The following ELAVL2 variants were observed in gnomAD, a reference collection of about 807,000 sequenced individuals.
The protein encoded by ELAVL2 is ELAV like RNA binding protein 2, also known as ELAV-like protein 2.
ELAVL2 carries 4 observed loss-of-function variants against 34.6 expected under a neutral mutation model. That is an observed-to-expected ratio of 0.12 (90% CI 0.06 to 0.26). The LOEUF is 0.26. Ranked by LOEUF, ELAVL2 falls within the 10% of genes least tolerant of loss-of-function variation. ELAVL2 has a pLI of 1.00. For missense variants in ELAVL2, 432 were observed against 442.8 expected, an observed-to-expected ratio of 0.98 and a Z score of 0.22; for synonymous variants, 193 against 154.8, an observed-to-expected ratio of 1.25 and a Z score of -1.83.
intron 2 of ELAVL2, among the ~76,000 whole-genome samples, chr9:23,751,787 A>G (rs746439760): frequency 6.6e-6 from 1 of 152,146 alleles, no homozygotes; most frequent in African/African-American, 2.4e-5. Flanking sequence ...GCACCTTCAT[A>G]TTTTAAGTCA....
chr9:23,840,565 T>C, the ELAVL2 span, among the ~76,000 whole-genome samples: 33,614 of 152,086 alleles, frequency 0.22, 4,121 homozygotes, highest in Non-Finnish European at 0.26. Context: ...GCCAATTTTA[T>C]ACTTTGTGTT....
chr9:23,724,035 CT>C (rs1188611705), intron 3 of ELAVL2, among the ~76,000 whole-genome samples: 1 of 152,186 alleles, frequency 6.6e-6, no homozygotes, highest in Non-Finnish European at 1.5e-5. Context: ...ATTCTCCATG[CT>C]GGTTACAGAA....
intron 2 of ELAVL2, among the ~76,000 whole-genome samples, chr9:23,737,428 A>G (rs573935917): frequency 1.3e-5 from 2 of 152,342 alleles, no homozygotes; most frequent in African/African-American, 4.8e-5. Flanking sequence ...CATACGAAAA[A>G]TTTCTACAAA....
chr9:23,702,047 G>A (rs2037444270), intron 4 of ELAVL2, among the ~76,000 whole-genome samples: 1 of 152,138 alleles, frequency 6.6e-6, no homozygotes, highest in Non-Finnish European at 1.5e-5. Flanking sequence ...AGAAGAATTT[G>A]CTAAAAATGC....
rs140944393 is a variant in ELAVL2 at position 23,736,444 on chromosome 9, T to C, written c.230-5319A>G. Among the ~76,000 whole-genome samples, 9 of 151,904 alleles carry C rather than the reference T, an allele frequency of 5.9e-5. 1 individual carries two copies. Among genetic ancestry groups the C allele is most frequent in the South Asian group, 4.2e-4 (2 of 4,796 alleles). ...CATTCTACAGGGTATTAGAAGAAAA[T>C]AGAGCTAAGGAGAAAAAAGCAGCAG... is the stretch of plus-strand genomic sequence containing the variant. On this transcript the variant is annotated intron_variant, in intron 2 of 6. Transcript: ENST00000397312.
intron 6 of ELAVL2, 39 bp downstream of exon 6, chr9:23,693,409 T>C (rs774081305): frequency 3.1e-6 from 5 of 1,612,538 alleles, no homozygotes; most frequent in East Asian, 2.2e-5. Context: ...CAATCAACTG[T>C]GGAAAGGGAT....
At chr9:23,805,663 T>G (rs2062118473) in intron 1 of ELAVL2, among the ~76,000 whole-genome samples, 1 of 152,166 alleles carries the variant, frequency 6.6e-6, no homozygotes, top group African/African-American at 2.4e-5. Context: ...CATCCATGAT[T>G]AGAGCATCTA....
intron 1 of ELAVL2, among the ~76,000 whole-genome samples, chr9:23,777,871 TAA>T (rs1211882263): frequency 6.6e-6 from 1 of 152,192 alleles, no homozygotes; most frequent in Non-Finnish European, 1.5e-5. Flanking sequence ...ACATTACAAA[TAA>T]CCAAAATGGA....
intron 1 of ELAVL2, among the ~76,000 whole-genome samples, chr9:23,798,482 G>T (rs915299917): frequency 2.6e-5 from 4 of 152,134 alleles, no homozygotes; most frequent in African/African-American, 9.7e-5. Context: ...TCAGAGTTTT[G>T]TAAGAACTCA....
intron 3 of ELAVL2, among the ~76,000 whole-genome samples, chr9:23,721,377 T>C (rs79647938): frequency 1.3e-5 from 2 of 152,212 alleles, no homozygotes; most frequent in African/African-American, 4.8e-5. Context: ...AATTTCTAGA[T>C]AGACATTTAA....
chr9:23,789,570 C>A (rs1264439045), intron 1 of ELAVL2, among the ~76,000 whole-genome samples: 2 of 152,162 alleles, frequency 1.3e-5, no homozygotes, highest in Admixed American at 1.3e-4. Flanking sequence ...TGGTCATCTG[C>A]ACAACTTCCT....
chr9:23,754,445 GTTTTT>G (rs113168156), intron 2 of ELAVL2, among the ~76,000 whole-genome samples: 1 of 146,564 alleles, frequency 6.8e-6, no homozygotes, highest in Non-Finnish European at 1.5e-5. Flanking sequence ...TTGGCATTAA[GTTTTT>G]TTTTTTTATT....
At chr9:23,779,115 T>G in intron 1 of ELAVL2, 1 of 884,422 alleles carries the variant, frequency 1.1e-6, no homozygotes, top group Non-Finnish European at 1.4e-6. Flanking sequence ...AGCCCTTGAA[T>G]TAACATTAAA....
intron 2 of ELAVL2, among the ~76,000 whole-genome samples, chr9:23,754,646 C>T (rs1417938370): frequency 6.6e-6 from 1 of 151,966 alleles, no homozygotes; most frequent in Non-Finnish European, 1.5e-5. Context: ...ATTTTCAGTA[C>T]AATCAGGGTT....
intron 4 of ELAVL2, among the ~76,000 whole-genome samples, chr9:23,703,828 G>C (rs1386684752): frequency 1.3e-5 from 2 of 152,068 alleles, no homozygotes; most frequent in Admixed American, 6.6e-5. Flanking sequence ...TCTTCATGTG[G>C]CTGCTTCAGT....
the ELAVL2 span, among the ~76,000 whole-genome samples, chr9:23,833,922 G>A: frequency 6.6e-6 from 1 of 151,848 alleles, no homozygotes; most frequent in Admixed American, 6.6e-5. Flanking sequence ...AACTAATTAT[G>A]TCCTTCCAGA....
At chr9:23,739,919 T>G (rs1464130407) in intron 2 of ELAVL2, among the ~76,000 whole-genome samples, 1 of 152,132 alleles carries the variant, frequency 6.6e-6, no homozygotes, top group Non-Finnish European at 1.5e-5. Flanking sequence ...TTAAAGGCCC[T>G]GTTTTGAAAC....
intron 5 of ELAVL2, among the ~76,000 whole-genome samples, chr9:23,695,663 A>G (rs1052473663): frequency 1.3e-4 from 20 of 152,324 alleles, no homozygotes; most frequent in African/African-American, 2.6e-4. Context: ...ACAAACCTGT[A>G]TAACATGTCA....
chr9:23,709,575 G>A (rs545820598), intron 3 of ELAVL2, among the ~76,000 whole-genome samples: 1 of 151,982 alleles, frequency 6.6e-6, no homozygotes, highest in Non-Finnish European at 1.5e-5. Context: ...AAACTCCCTT[G>A]AAGGCCCAAA....
Sources: gnomAD v4.1 joint callset for allele counts (sites outside exome capture counted in the v4.1 genomes callset) on GRCh38, gnomAD v4.1.1 for gene constraint, MANE v1.5 for transcripts, NCBI Gene and HGNC (gene_info 2026-07-23, HGNC 2026-07-21) for gene names.